Variants in CDCP2 observed in about 807,000 individuals in gnomAD.
The protein encoded by CDCP2 is CUB domain-containing protein 2.
In CDCP2, 31 loss-of-function variants were observed where a neutral mutation model predicts 31.0. The ratio of observed to expected loss-of-function variants is 1.00; its 90% CI spans 0.75 to 1.35. The LOEUF (loss-of-function observed/expected upper bound fraction) is 1.35, where lower values mean the gene tolerates loss of function less well. Ranked by LOEUF, CDCP2 falls within the 40% of genes most tolerant of loss-of-function variation. The probability of loss-of-function intolerance (pLI) is 0.00; values close to 1 mark genes in which losing one functional copy is unlikely to be tolerated. For synonymous variants in CDCP2, 206 were observed against 207.9 expected (o/e 0.99, Z 0.08); for missense variants, 443 against 482.6 (o/e 0.92, Z 0.77).
intron 1 of CDCP2, among the ~76,000 whole-genome samples, chr1:54,147,718 CAT>C (rs1288285262): frequency 6.6e-6 from 1 of 151,726 alleles, no homozygotes; most frequent in Non-Finnish European, 1.5e-5. Context: ...ACTAGGAAAA[CAT>C]AATTTTGGCT....
chr1:54,137,161 T>C lies in CDCP2; in HGVS notation c.1118-353A>G, dbSNP rs545057628. Reference sequence around the variant, plus strand: ...ATCACTTGGCCATGTGCCAGGCAATTCATTCAATTATTTAACAAATATATT... The same window carrying C: ...ATCACTTGGCCATGTGCCAGGCAATCCATTCAATTATTTAACAAATATATT... On this transcript the variant is annotated intron_variant, in intron 4 of 5. Coordinates refer to ENST00000530059, the Ensembl canonical transcript of CDCP2. Among the ~76,000 whole-genome samples the C allele has an allele frequency of 3.5e-4, 54 of 152,336 alleles. No homozygotes were observed. In the South Asian group the frequency reaches 0.011, roughly 30 times the overall value.
At chr1:54,143,863 A>G (rs1157248812) in intron 2 of CDCP2, 2 of 152,274 alleles carry the variant, frequency 1.3e-5, no homozygotes, top group African/African-American at 2.4e-5. Context: ...CCCTCACTAG[A>G]CTGAGAGGCA....
chr1:54,141,326 C>T (rs1353661711), exon 3 of CDCP2: 2 of 1,614,102 alleles, frequency 1.2e-6, no homozygotes, highest in Non-Finnish European at 1.7e-6. Flanking sequence ...TGGGCAGGGC[C>T]AGCGGCCCGG....
At chr1:54,151,105 G>T (rs1324056313) in intron 1 of CDCP2, among the ~76,000 whole-genome samples, 5 of 152,206 alleles carry the variant, frequency 3.3e-5, no homozygotes, top group Admixed American at 3.3e-4. Context: ...ATTTGAGTTT[G>T]TCTAGGAAGA....
At chr1:54,133,428 G>A (rs1310485600) in intron 5 of CDCP2, 134 bp from the exon 6 acceptor site, 3 of 397,562 alleles carry the variant, frequency 7.5e-6, no homozygotes, top group Non-Finnish European at 1.3e-5. Context: ...CTGAGCCTCA[G>A]TGATCCCATC....
At chr1:54,152,203 C>A (rs1462938593) in intron 1 of CDCP2, among the ~76,000 whole-genome samples, 1 of 152,110 alleles carries the variant, frequency 6.6e-6, no homozygotes, top group East Asian at 1.9e-4. Context: ...GTGGCTCATG[C>A]CTGTAATCCC....
chr1:54,137,692 T>TGTGTGTGTGTGTGTGCGCGTGC (rs60839953), intron 4 of CDCP2: 3 of 146,198 alleles, frequency 2.1e-5, no homozygotes, highest in South Asian at 2.2e-4. Context: ...TGCGTGTGTG[T>TGTGTGTGTGTGTGTGCGCGTGC]GTGTGTGTGT....
exon 5 of CDCP2, chr1:54,136,641 T>A (rs1356283368): frequency 5.0e-6 from 2 of 399,022 alleles, no homozygotes. Flanking sequence ...TGAGACTCAG[T>A]GCCGCAGGTA....
chr1:54,137,428 G>A (rs1040375578), intron 4 of CDCP2, among the ~76,000 whole-genome samples: 1 of 152,184 alleles, frequency 6.6e-6, no homozygotes, highest in African/African-American at 2.4e-5. Context: ...TTTTAAAAAG[G>A]GTGGTAAGGG....
At chr1:54,139,482 G>A (rs753851671) in intron 4 of CDCP2, 55 of 1,544,712 alleles carry the variant, frequency 3.6e-5, no homozygotes, top group African/African-American at 5.5e-5. Context: ...GGGCCCAGGG[G>A]GAAGGAACCA....
chr1:54,146,186 T>TCATAA (rs1557708639), intron 1 of CDCP2, among the ~76,000 whole-genome samples: 25 of 151,600 alleles, frequency 1.6e-4, no homozygotes, highest in African/African-American at 6.1e-4. Context: ...GTATAATTTT[T>TCATAA]TTTTTTTTTT....
At chr1:54,139,646 G>GGT (rs1553173736) in intron 4 of CDCP2, 107 bp downstream of exon 4, 12 of 1,581,592 alleles carry the variant, frequency 7.6e-6, no homozygotes, top group East Asian at 2.3e-5. Flanking sequence ...GACCATTCAT[G>GGT]GGGGGGGCAG....
intron 1 of CDCP2, among the ~76,000 whole-genome samples, chr1:54,146,123 A>G (rs992962844): frequency 6.6e-6 from 1 of 152,190 alleles, no homozygotes; most frequent in African/African-American, 2.4e-5. Flanking sequence ...GAATAGAGCA[A>G]ATAAGTAAGT....
Position 54,140,119 on chromosome 1 carries a change from T to C in CDCP2, c.764-13A>G. 2 of 1,611,010 alleles carry C rather than the reference T, an allele frequency of 1.2e-6. No individual in the cohort carries two copies. Among genetic ancestry groups the C allele is most frequent in the Non-Finnish European group, 1.7e-6 (2 of 1,178,298 alleles). On this transcript the variant is annotated splice_polypyrimidine_tract_variant and intron_variant, in intron 3 of 5. Transcript: ENST00000530059. ...TCCTGGCATTCTCCTGGATGGGGGA[T>C]GGGGAGGTGGAAGGAGCAACAGTGA... is the stretch of plus-strand genomic sequence containing the variant.
chr1:54,137,672 T>TGC (rs1659279991), intron 4 of CDCP2: 1 of 121,170 alleles, frequency 8.3e-6, no homozygotes, highest in African/African-American at 3.1e-5. Flanking sequence ...CATGTGTGTG[T>TGC]GTGTGTGTGT....
At chr1:54,139,831 T>A (rs754278498) in exon 4 of CDCP2, 1 of 1,614,128 alleles carries the variant, frequency 6.2e-7, no homozygotes, top group South Asian at 1.1e-5. Context: ...TGGTTGTGGC[T>A]TGAGGTCACG....
chr1:54,143,360 A>C (rs1315131805), intron 2 of CDCP2: 2 of 152,292 alleles, frequency 1.3e-5, no homozygotes, highest in Non-Finnish European at 2.9e-5. Context: ...AACAAACAAA[A>C]AAGAACTTAC....
intron 5 of CDCP2, among the ~76,000 whole-genome samples, chr1:54,135,190 T>TG (rs1227797550): frequency 2.3e-5 from 1 of 42,750 alleles, no homozygotes; most frequent in Non-Finnish European, 4.6e-5. Context: ...AGAATGGGGG[T>TG]GGGGGGAAGC....
At position 54,148,811 on chromosome 1, in the gene CDCP2, ACCTGAGGCCAGGAGTTTGAGACCAG is replaced by A. The variant is rs543446218; in HGVS notation, c.79+4008_80-3999del. Among the ~76,000 whole-genome samples, 46 of 151,630 alleles carry A rather than the reference ACCTGAGGCCAGGAGTTTGAGACCAG, an allele frequency of 3.0e-4. 2 individuals carry two copies. The highest frequency in any genetic ancestry group is 1.1e-3 in the African/African-American group (44 of 41,040). ...TTTGGGAGGCCGAGGCAGAAGGATC[ACCTGAGGCCAGGAGTTTGAGACCAG>A]CCTGAGCAACATAGTGAGACCCTGT... On this transcript the variant is annotated intron_variant, in intron 1 of 5. Coordinates refer to ENST00000530059, the Ensembl canonical transcript of CDCP2.
Sources: gnomAD v4.1 joint callset for allele counts (sites outside exome capture counted in the v4.1 genomes callset) on GRCh38, gnomAD v4.1.1 for gene constraint, MANE v1.5 for transcripts, NCBI Gene and HGNC (gene_info 2026-07-23, HGNC 2026-07-21) for gene names.